Variants in C1orf146 observed in about 807,000 individuals in gnomAD.
The protein encoded by C1orf146 is chromosome 1 open reading frame 146.
Under a neutral mutation model 23.0 loss-of-function variants are expected in C1orf146, and 22 were observed. The ratio of observed to expected loss-of-function variants is 0.96; its 90% confidence interval spans 0.68 to 1.36. The LOEUF (loss-of-function observed/expected upper bound fraction) is 1.36. Ranked by LOEUF, C1orf146 falls within the 40% of genes most tolerant of loss-of-function variation. The probability of loss-of-function intolerance (pLI) is 0.00; values close to 1 mark genes in which losing one functional copy is unlikely to be tolerated. For synonymous variants in C1orf146, 59 were observed against 65.3 expected, an observed-to-expected ratio of 0.90 and a Z score of 0.47; for missense variants, 199 against 206.8, an observed-to-expected ratio of 0.96 and a Z score of 0.23.
At chr1:92,227,456 G>T (rs970622914) in intron 1 of C1orf146, among the ~76,000 whole-genome samples, 1 of 152,020 alleles carries the variant, frequency 6.6e-6, no homozygotes, top group Middle Eastern at 3.2e-3. Flanking sequence ...GGAGAATGGC[G>T]TGAACCCGGG....
chr1:92,220,014 G>T (rs1485182817), intron 1 of C1orf146, among the ~76,000 whole-genome samples: 1 of 152,124 alleles, frequency 6.6e-6, no homozygotes, highest in African/African-American at 2.4e-5. Flanking sequence ...GCCATTGGGA[G>T]CTCTTTCAGT....
intron 1 of C1orf146, among the ~76,000 whole-genome samples, chr1:92,227,022 C>T (rs1651984788): frequency 6.6e-6 from 1 of 152,156 alleles, no homozygotes; most frequent in Non-Finnish European, 1.5e-5. Flanking sequence ...ACTTCAAGGA[C>T]CTAAAGCACC....
At position 92,240,821 on chromosome 1, in the gene C1orf146, G is replaced by A. The variant is rs914490594; in HGVS notation, c.67-1391G>A. On this transcript the variant is annotated intron_variant, in intron 2 of 5. Transcript: ENST00000370375. Reference sequence around the variant, plus strand: ...TTACAGGTGTGAGCCATTGTGCCTGGCCAAGTTTAAATTTTAACCTATCAG... The same window carrying A: ...TTACAGGTGTGAGCCATTGTGCCTGACCAAGTTTAAATTTTAACCTATCAG... 5.6e-4 allele frequency: 231 copies of A among 415,068 alleles called. 3 individuals are homozygous for A. Among genetic ancestry groups the A allele is most frequent in the South Asian group, 4.3e-3 (229 of 53,472 alleles). The allele number at this position is 415,068 out of a possible 1,614,324, so 25.7% of individuals were successfully genotyped here.
At chr1:92,225,758 A>G (rs747639209) in intron 1 of C1orf146, among the ~76,000 whole-genome samples, 5 of 152,150 alleles carry the variant, frequency 3.3e-5, no homozygotes, top group Non-Finnish European at 7.3e-5. Context: ...CCTTTTTATC[A>G]TTATAATACA....
intron 1 of C1orf146, among the ~76,000 whole-genome samples, chr1:92,221,971 G>T (rs1160786498): frequency 1.3e-5 from 2 of 152,298 alleles, no homozygotes; most frequent in African/African-American, 4.8e-5. Flanking sequence ...GCTGGGTGTG[G>T]TGACTCACAC....
intron 4 of C1orf146, 53 bp downstream of exon 4, chr1:92,244,438 G>A: frequency 7.3e-7 from 1 of 1,368,284 alleles, no homozygotes; most frequent in Non-Finnish European, 1.0e-6. Flanking sequence ...ATTTATTTCA[G>A]TTCTTAATTC....
chr1:92,235,725 T>C (rs1652258669), intron 2 of C1orf146, among the ~76,000 whole-genome samples: 1 of 152,154 alleles, frequency 6.6e-6, no homozygotes, highest in Admixed American at 6.5e-5. Flanking sequence ...AAGTCTCCCA[T>C]TATTAGTGTG....
intron 1 of C1orf146, among the ~76,000 whole-genome samples, chr1:92,227,541 A>T (rs1403415937): frequency 8.9e-4 from 136 of 152,148 alleles, no homozygotes; most frequent in Non-Finnish European, 2.5e-4. Context: ...TCCATCTCAA[A>T]AAAAATAAAA....
rs549746712 is a variant in C1orf146 at position 92,226,032 on chromosome 1, CAT to C, written c.-39-5349_-39-5348del. 2.6e-5 allele frequency among the ~76,000 whole-genome samples: 4 copies of C among 152,180 alleles called. No individual in the cohort carries two copies. The East Asian group carries it at 7.7e-4, about 29-fold the overall frequency. On this transcript the variant is annotated intron_variant, in intron 1 of 5. Transcript: ENST00000370375. Reference sequence around the variant, plus strand: ...AAAATTTTTAAATTGAGATATAAGTCATGTGACATTAAATACATTTTAAAATG... The same window carrying C: ...AAAATTTTTAAATTGAGATATAAGTCGTGACATTAAATACATTTTAAAATG...
chr1:92,229,144 G>C, intron 1 of C1orf146: 1 of 521,240 alleles, frequency 1.9e-6, no homozygotes, highest in Non-Finnish European at 3.8e-6. Flanking sequence ...TTTCGCTCTC[G>C]GGGTGCAATG....
chr1:92,235,812 T>G (rs1652261628), intron 2 of C1orf146, among the ~76,000 whole-genome samples: 1 of 152,202 alleles, frequency 6.6e-6, no homozygotes, highest in Non-Finnish European at 1.5e-5. Flanking sequence ...GGTGCATATA[T>G]ATTTAGGATA....
Position 92,231,446 on chromosome 1 carries a change from TAAAATG to T in C1orf146, c.27_32del (p.Ile9_Trp11delinsMet). 6.2e-7 allele frequency: 1 copy of T among 1,611,184 alleles called. No individual in the cohort carries two copies. The stretch of plus-strand genomic sequence containing the variant: ...ATGGCTGAAAGTGGAAAAGAAAAAA[TAAAATG>T]GACAACCACCATTATTATTAGCTCA... On this transcript the variant is annotated inframe_deletion, in exon 2 of 6. Coordinates refer to ENST00000370375, the MANE Select transcript of C1orf146 (RefSeq NM_001012425.2).
chr1:92,222,890 G>A (rs909385033), intron 1 of C1orf146, among the ~76,000 whole-genome samples: 4 of 151,804 alleles, frequency 2.6e-5, no homozygotes, highest in Non-Finnish European at 5.9e-5. Flanking sequence ...CTGGCCTATC[G>A]TTTGTATTTC....
chr1:92,241,138 A>C (rs898751868), intron 2 of C1orf146, among the ~76,000 whole-genome samples: 7 of 151,464 alleles, frequency 4.6e-5, no homozygotes, highest in Admixed American at 2.6e-4. Context: ...ACAACCACCT[A>C]TTTTCCATAG....
intron 2 of C1orf146, among the ~76,000 whole-genome samples, chr1:92,241,372 A>G (rs1652426777): frequency 6.6e-6 from 1 of 151,912 alleles, no homozygotes. Flanking sequence ...CACCATGCCC[A>G]GCTAATTTTT....
chr1:92,232,416 A>C (rs560034057), intron 2 of C1orf146, among the ~76,000 whole-genome samples: 2 of 152,064 alleles, frequency 1.3e-5, no homozygotes, highest in Non-Finnish European at 2.9e-5. Flanking sequence ...ACCTTCATCC[A>C]TGTCCCTACA....
intron 2 of C1orf146, among the ~76,000 whole-genome samples, chr1:92,238,869 T>C (rs1165138262): frequency 6.6e-6 from 1 of 152,222 alleles, no homozygotes; most frequent in East Asian, 1.9e-4. Context: ...CTTCCTTCAC[T>C]TGTCTGCTTA....
chr1:92,235,088 GT>G (rs1652242885), intron 2 of C1orf146, among the ~76,000 whole-genome samples: 1 of 151,950 alleles, frequency 6.6e-6, no homozygotes, highest in African/African-American at 2.4e-5. Flanking sequence ...TTTTTGAAGG[GT>G]TTTTTGTGTC....
At chr1:92,223,111 A>G (rs535277182) in intron 1 of C1orf146, among the ~76,000 whole-genome samples, 2 of 152,188 alleles carry the variant, frequency 1.3e-5, no homozygotes, top group Non-Finnish European at 2.9e-5. Flanking sequence ...GGTTACTACA[A>G]ATAAATCATT....
Sources: gnomAD v4.1 joint callset for allele counts (sites outside exome capture counted in the v4.1 genomes callset) on GRCh38, gnomAD v4.1.1 for gene constraint, MANE v1.5 for transcripts, NCBI Gene and HGNC (gene_info 2026-07-23, HGNC 2026-07-21) for gene names.